The following PRKG1 variants were observed in gnomAD, a reference collection of about 807,000 sequenced individuals.
The protein encoded by PRKG1 is protein kinase cGMP-dependent 1.
PRKG1 carries 35 observed loss-of-function variants against 88.1 expected under a neutral mutation model. That is an observed-to-expected ratio of 0.40 (90% confidence interval 0.30 to 0.53). The LOEUF is 0.53. Among genes scored for constraint, PRKG1 ranks in the 20% least tolerant of loss-of-function variants. The probability of loss-of-function intolerance (pLI) is 0.59; values close to 1 mark genes in which losing one functional copy is unlikely to be tolerated. For synonymous variants in PRKG1, 303 were observed against 292.5 expected, an observed-to-expected ratio of 1.04 and a Z score of -0.37; for missense variants, 540 against 839.8, an observed-to-expected ratio of 0.64 and a Z score of 4.41.
At chr10:51,073,393 C>A (rs1369408092), upstream of PRKG1, among the ~76,000 whole-genome samples, 1 of 152,152 alleles carries the variant, frequency 6.6e-6, no homozygotes. Context: ...ACATTCCTAA[C>A]AGCTTGGTTG....
intron 2 of PRKG1, among the ~76,000 whole-genome samples, chr10:51,178,947 A>G (rs1426387323): frequency 6.6e-6 from 1 of 152,228 alleles, no homozygotes. Flanking sequence ...TGAATAAGAG[A>G]GCTTAATGCA....
At position 52,294,760 on chromosome 10, in the gene PRKG1, T is replaced by C. The variant is rs992293965; in HGVS notation, c.*860T>C. ...CCAATTGGTTTTACTTAACATACCC[T>C]CAAACTGAGGCTTAAAGTATTCCCT... On this transcript the variant is annotated 3_prime_UTR_variant, in exon 18 of 18. Coordinates refer to ENST00000373980, the MANE Select transcript of PRKG1 (RefSeq NM_006258.4). 11 of 152,520 alleles carry C rather than the reference T, an allele frequency of 7.2e-5. No individual in the cohort carries two copies. The East Asian group carries it at 2.1e-3, about 29-fold the overall frequency. 9.4% of individuals were successfully genotyped at this position (152,520 alleles called of 1,614,324 possible).
intron 3 of PRKG1, among the ~76,000 whole-genome samples, chr10:51,557,478 G>T (rs1564549032): frequency 1.3e-5 from 2 of 151,848 alleles, no homozygotes; most frequent in Non-Finnish European, 2.9e-5. Flanking sequence ...GGAGAAAAGT[G>T]CTTATAAGGG....
intron 8 of PRKG1, among the ~76,000 whole-genome samples, chr10:52,135,025 A>G (rs539022229): frequency 6.6e-6 from 1 of 152,262 alleles, no homozygotes; most frequent in Admixed American, 6.6e-5. Context: ...CTGGAAGAAG[A>G]TTCAAAGGAG....
intron 2 of PRKG1, among the ~76,000 whole-genome samples, chr10:51,217,748 C>G (rs1375558722): frequency 6.6e-6 from 1 of 152,066 alleles, no homozygotes; most frequent in Admixed American, 6.5e-5. Flanking sequence ...TCTCTCTTTA[C>G]CCCTTGTAAA....
intron 4 of PRKG1, among the ~76,000 whole-genome samples, chr10:51,818,124 A>G (rs997325084): frequency 6.6e-6 from 1 of 152,226 alleles, no homozygotes; most frequent in Non-Finnish European, 1.5e-5. Context: ...GACATATAGA[A>G]TTAACCTAAA....
chr10:51,415,118 T>C (rs1358879947), intron 2 of PRKG1, among the ~76,000 whole-genome samples: 1 of 152,220 alleles, frequency 6.6e-6, no homozygotes, highest in Non-Finnish European at 1.5e-5. Context: ...ACAGTCAGCG[T>C]GATCAGTAGT....
At chr10:51,437,641 C>G (rs1356433009) in intron 2 of PRKG1, among the ~76,000 whole-genome samples, 2 of 151,676 alleles carry the variant, frequency 1.3e-5, no homozygotes, top group Non-Finnish European at 2.9e-5. Flanking sequence ...TTTCGGGAAG[C>G]CCAAAACATA....
At chr10:51,276,196 T>C (rs1333078966) in intron 2 of PRKG1, among the ~76,000 whole-genome samples, 1 of 152,002 alleles carries the variant, frequency 6.6e-6, no homozygotes, top group African/African-American at 2.4e-5. Context: ...TTCCCACCTA[T>C]GAGTGAGAAA....
chr10:51,432,887 A>G (rs1249318475), intron 2 of PRKG1, among the ~76,000 whole-genome samples: 1 of 152,120 alleles, frequency 6.6e-6, no homozygotes, highest in Non-Finnish European at 1.5e-5. Flanking sequence ...TCTTGCTGGG[A>G]GCATGACCAC....
chr10:51,269,668 G>C (rs1002639754), intron 2 of PRKG1, among the ~76,000 whole-genome samples: 1 of 151,994 alleles, frequency 6.6e-6, no homozygotes, highest in African/African-American at 2.4e-5. Flanking sequence ...AAACTATGAG[G>C]GTACAAAGGC....
chr10:51,393,333 T>C (rs549608124), intron 2 of PRKG1, among the ~76,000 whole-genome samples: 6 of 146,264 alleles, frequency 4.1e-5, no homozygotes, highest in Non-Finnish European at 6.0e-5. Flanking sequence ...CCTCACTTCC[T>C]AGATGGGATG....
At chr10:52,089,030 T>A (rs1488782346) in intron 7 of PRKG1, among the ~76,000 whole-genome samples, 3 of 152,210 alleles carry the variant, frequency 2.0e-5, no homozygotes, top group Non-Finnish European at 2.9e-5. Flanking sequence ...ACGTTATTTT[T>A]AGAGTCAGAA....
chr10:52,178,954 A>G (rs1407303398), intron 9 of PRKG1, among the ~76,000 whole-genome samples: 3 of 148,052 alleles, frequency 2.0e-5, no homozygotes, highest in African/African-American at 7.5e-5. Flanking sequence ...TCTTTAATCC[A>G]TTTAGCCAAT....
At chr10:52,280,482 G>A (rs1016124104) in intron 12 of PRKG1, among the ~76,000 whole-genome samples, 5 of 152,014 alleles carry the variant, frequency 3.3e-5, no homozygotes, top group Non-Finnish European at 4.4e-5. Context: ...TGCCTTTTTC[G>A]ATTGTAGTGG....
intron 5 of PRKG1, among the ~76,000 whole-genome samples, chr10:51,913,366 G>A (rs1174883166): frequency 6.6e-6 from 1 of 152,118 alleles, no homozygotes; most frequent in African/African-American, 2.4e-5. Flanking sequence ...CAACCCCCAC[G>A]CCCTATCCTC....
chr10:51,217,358 G>T (rs111812256), intron 2 of PRKG1, among the ~76,000 whole-genome samples: 1 of 152,004 alleles, frequency 6.6e-6, no homozygotes, highest in South Asian at 2.1e-4. Context: ...GTTTAAGAAC[G>T]CATTACCTAA....
At chr10:52,040,578 G>A (rs539011205) in intron 5 of PRKG1, among the ~76,000 whole-genome samples, 20 of 152,226 alleles carry the variant, frequency 1.3e-4, no homozygotes, top group Admixed American at 7.2e-4. Context: ...ACTCTTAGTC[G>A]TTATATTATG....
chr10:51,560,553 A>C (rs1282474268), intron 3 of PRKG1, among the ~76,000 whole-genome samples: 1 of 152,102 alleles, frequency 6.6e-6, no homozygotes, highest in Non-Finnish European at 1.5e-5. Context: ...TGCAAAGAAA[A>C]TACCATGCCC....
Sources: allele counts gnomAD v4.1 joint callset (sites outside exome capture counted in the v4.1 genomes callset), GRCh38; gene constraint gnomAD v4.1.1; transcripts MANE v1.5; gene names NCBI Gene and HGNC (gene_info 2026-07-23, HGNC 2026-07-21).